Variants in RNH1 observed in about 807,000 individuals in gnomAD.
RNH1 encodes the protein ribonuclease inhibitor.
Under a neutral mutation model 46.1 loss-of-function variants are expected in RNH1, and 38 were observed. The ratio of observed to expected loss-of-function variants is 0.82; its 90% confidence interval spans 0.64 to 1.08. The LOEUF (loss-of-function observed/expected upper bound fraction) is 1.08, where lower values mean the gene tolerates loss of function less well. Among genes scored for constraint, RNH1 ranks in the 50% least tolerant of loss-of-function variants. RNH1 has a pLI of 0.00. For missense variants in RNH1, 577 were observed against 590.7 expected, an observed-to-expected ratio of 0.98 and a Z score of 0.24; for synonymous variants, 319 against 279.1, an observed-to-expected ratio of 1.14 and a Z score of -1.43.
chr11:503,993 G>A (rs72851191), intron 2 of RNH1, among the ~76,000 whole-genome samples: 12,603 of 152,274 alleles, frequency 0.083, 526 homozygotes, highest in Middle Eastern at 0.15. Context: ...AGCACATTCA[G>A]GAACCCACTA....
Position 498,757 on chromosome 11 carries a change from A to G in RNH1, c.785+6T>C, listed in dbSNP as rs1258192737. ...CCGGGAAGGAGGCCTCGCGGAGATGACTCACCACAGGGTCCTGAGCCTGGA... is the reference window on the plus strand; with the variant it reads ...CCGGGAAGGAGGCCTCGCGGAGATGGCTCACCACAGGGTCCTGAGCCTGGA... On this transcript the variant is annotated splice_donor_region_variant and intron_variant, in intron 7 of 10. Transcript: ENST00000354420. 46 of 1,595,134 alleles carry G rather than the reference A, an allele frequency of 2.9e-5. No individual in the cohort carries two copies. Among genetic ancestry groups the G allele is most frequent in the Non-Finnish European group, 3.9e-5 (46 of 1,173,624 alleles).
At chr11:504,586 G>GC (rs1850088620) in intron 2 of RNH1, 1 of 152,334 alleles carries the variant, frequency 6.6e-6, no homozygotes, top group African/African-American at 2.4e-5. Flanking sequence ...CAGCCCCCGG[G>GC]CCTCGTCCCA....
At position 498,117 on chromosome 11, in the gene RNH1, G is replaced by T. The variant is rs148207047; in HGVS notation, c.981C>A (p.Ala327=). Residue 327 remains alanine (A), a synonymous_variant, in exon 9 of 11, where the codon GCC becomes GCA. Transcript: ENST00000354420. ...SLWVKSCSFT[A]ACCSHFSSVL... is the part of the protein sequence containing the mutation. ...CTGAGCTGAAGTGGGAGCAGCAGGCGGCTGTGAAGCTGCAGGACTTCACCC... is the reference window on the plus strand; with the variant it reads ...CTGAGCTGAAGTGGGAGCAGCAGGCTGCTGTGAAGCTGCAGGACTTCACCC... 1.2e-6 allele frequency: 2 copies of T among 1,613,704 alleles called. No homozygotes were observed. The highest frequency in any genetic ancestry group is 4.5e-5 in the East Asian group (2 of 44,900).
intron 9 of RNH1, among the ~76,000 whole-genome samples, chr11:496,281 C>T (rs773724616): frequency 6.6e-6 from 1 of 152,192 alleles, no homozygotes; most frequent in Non-Finnish European, 1.5e-5. Flanking sequence ...CGCCTGTAAT[C>T]GCAGCACTTT....
chr11:500,444 G>A, intron 4 of RNH1, 40 bp downstream of exon 4: 1 of 1,580,116 alleles, frequency 6.3e-7, no homozygotes, highest in East Asian at 2.3e-5. Context: ...TACCAAAGCA[G>A]ACTGCACCAG....
chr11:506,114 G>A (rs1453676586), intron 1 of RNH1: 2 of 152,196 alleles, frequency 1.3e-5, no homozygotes, highest in African/African-American at 4.8e-5. Context: ...CCTGACCTCA[G>A]GTGATCCGCC....
At chr11:494,814 T>A (rs750821628) in intron 10 of RNH1, 36 bp from the exon 11 acceptor site, 1 of 1,611,982 alleles carries the variant, frequency 6.2e-7, no homozygotes, top group Non-Finnish European at 8.5e-7. Flanking sequence ...TGGGCCCGTG[T>A]CCTCCCCCAC....
Position 502,103 on chromosome 11 carries a change from C to T in RNH1, c.60G>A (p.Trp20Ter). Residue 20 changes from tryptophan (W) to a stop codon, truncating the protein, a stop_gained, in exon 3 of 11, where the codon TGG becomes TGA. Transcript: ENST00000354420. LOFTEE classifies it high-confidence loss of function. The surrounding 1 kb of genome is among the most constrained non-coding windows in gnomAD (Gnocchi z 5.8). Reference sequence around the variant, plus strand: ...GCTGGAGCAGAGGGAGGAGCTCGGCCCATCTAGCGTCGCTCAGCTCCTCAC... The same window carrying T: ...GCTGGAGCAGAGGGAGGAGCTCGGCTCATCTAGCGTCGCTCAGCTCCTCAC... ...IQCEELSDAR[W>*]AELLPLLQQC... 1 of 1,612,396 alleles carries T rather than the reference C, an allele frequency of 6.2e-7. No individual in the cohort carries two copies. Among genetic ancestry groups the T allele is most frequent in the Non-Finnish European group, 8.5e-7 (1 of 1,179,590 alleles).
At chr11:504,705 T>A (rs1363444083) in intron 2 of RNH1, 119 bp downstream of exon 2, 1 of 151,894 alleles carries the variant, frequency 6.6e-6, no homozygotes, top group African/African-American at 2.4e-5. Context: ...ACAGCCGCCT[T>A]CCCCCAGACC....
At position 500,735 on chromosome 11, in the gene RNH1, C is replaced by T. The variant is rs1849675979; in HGVS notation, c.102-81G>A. ...CCACCACCACCCCACGTGCAGGTTA[C>T]AACCTATCAGTGGGCCCAGAAGACA... On this transcript the variant is annotated intron_variant, in intron 3 of 10. Transcript: ENST00000354420. 3 of 1,485,842 alleles carry T rather than the reference C, an allele frequency of 2.0e-6. No homozygotes were observed. In the African/African-American group the frequency reaches 4.1e-5, roughly 21 times the overall value. The allele number at this position is 1,485,842 out of a possible 1,614,324, so 92.0% of individuals were successfully genotyped here. A position where few individuals can be genotyped will look rare whatever the true frequency, so the allele number is the denominator to read the frequency against.
Position 498,919 on chromosome 11 carries a change from C to A in RNH1, c.629G>T (p.Gly210Val). 2.5e-6 allele frequency: 4 copies of A among 1,612,570 alleles called. No homozygotes were observed. In the South Asian group the frequency reaches 4.4e-5, roughly 18 times the overall value. ...QLEALKLESC[G>V]VTSDNCRDLC... ...GTCCCGGCAGTTGTCTGATGTCACA[C>A]CGCAGCTCTCCAGCCTGGGGACACG... Residue 210 changes from glycine to valine, a missense_variant, in exon 7 of 11, where the codon GGT becomes GTT. Gly to Val is a moderately radical substitution (Grantham distance 109). Transcript: ENST00000354420.
At chr11:499,762 T>C (rs1849568658) in intron 5 of RNH1, 67 bp downstream of exon 5, 1 of 1,562,452 alleles carries the variant, frequency 6.4e-7, no homozygotes, top group Non-Finnish European at 8.7e-7. Flanking sequence ...GGCGATGTTC[T>C]ATGTAGGGGG....
At chr11:499,305 T>A in intron 5 of RNH1, 120 bp from the exon 6 acceptor site, 1 of 1,127,486 alleles carries the variant, frequency 8.9e-7, no homozygotes, top group Non-Finnish European at 1.3e-6. Context: ...GGGCATCAGG[T>A]GTCAGTGCTG....
chr11:495,117 C>CAGGCCT lies in RNH1; in HGVS notation c.1128-70_1128-65dup, dbSNP rs563442130. 6.8e-3 allele frequency: 10,353 copies of CAGGCCT among 1,523,442 alleles called. 50 individuals carry two copies. Among genetic ancestry groups the CAGGCCT allele is most frequent in the Non-Finnish European group, 8.5e-3 (9,573 of 1,127,152 alleles). 94.4% of individuals were successfully genotyped at this position (1,523,442 alleles called of 1,614,324 possible). A position where few individuals can be genotyped will look rare whatever the true frequency, so the allele number is the denominator to read the frequency against. On this transcript the variant is annotated intron_variant, in intron 9 of 10. Coordinates refer to ENST00000354420, the MANE Select transcript of RNH1 (RefSeq NM_203387.3). ...CCTGGCACCGCACTGACCGGCAGAG[C>CAGGCCT]AGGCCTGGGCCTGGGGGGCGCGACG...
chr11:500,935 C>G (rs902735706), intron 3 of RNH1: 1 of 506,572 alleles, frequency 2.0e-6, no homozygotes, highest in African/African-American at 1.9e-5. Flanking sequence ...TCAAGACCAA[C>G]CTGACCAACA....
At position 502,065 on chromosome 11, in the gene RNH1, A is replaced by AC; in HGVS notation, c.97dup (p.Val33GlyfsTer146). On this transcript the variant is annotated frameshift_variant, in exon 3 of 11. Transcript: ENST00000354420. LOFTEE classifies it high-confidence loss of function. The surrounding 1 kb of genome is among the most constrained non-coding windows in gnomAD (Gnocchi z 5.8). Reference sequence around the variant, plus strand: ...GCCACCCCGAGAGCAAGCGTACCTGACCACTTGGCACTGCTGGAGCAGAGG... The same window carrying AC: ...GCCACCCCGAGAGCAAGCGTACCTGACCCACTTGGCACTGCTGGAGCAGAGG... 1 of 1,610,612 alleles carries AC rather than the reference A, an allele frequency of 6.2e-7. No homozygotes were observed. The highest frequency in any genetic ancestry group is 8.5e-7 in the Non-Finnish European group (1 of 1,179,100).
intron 1 of RNH1, chr11:505,447 G>A (rs1372981747): frequency 1.3e-5 from 2 of 152,150 alleles, no homozygotes; most frequent in African/African-American, 4.8e-5. Context: ...TTTTGAAGAT[G>A]GAAGAAGGTG....
rs559083702 is a variant in RNH1, at chr11:497,566, C to T, written c.1127+405G>A. Among the ~76,000 whole-genome samples, 27 of 43,072 alleles carry T rather than the reference C, an allele frequency of 6.3e-4. 4 individuals are homozygous for T. Among genetic ancestry groups the T allele is most frequent in the African/African-American group, 4.3e-3 (22 of 5,104 alleles). The allele number at this position is 43,072 out of a possible 152,430, so 28.3% of individuals were successfully genotyped here. A position where few individuals can be genotyped will look rare whatever the true frequency, so the allele number is the denominator to read the frequency against. ...GTGCTCACTCTCACGTGCTCACACA[C>T]GGACACGTGCTCATTCTTGCCCATG... On this transcript the variant is annotated intron_variant, in intron 9 of 10. Coordinates refer to ENST00000354420, the MANE Select transcript of RNH1 (RefSeq NM_203387.3).
rs529464626 is a variant in RNH1, at chr11:502,552, G to A, written c.-87-303C>T. The A allele has an allele frequency of 6.5e-6, 2 of 305,884 alleles. No individual in the cohort carries two copies. The highest frequency in any genetic ancestry group is 4.2e-5 in the Admixed American group (1 of 23,572). The allele number at this position is 305,884 out of a possible 1,614,324, so 18.9% of individuals were successfully genotyped here. On this transcript the variant is annotated intron_variant, in intron 2 of 10. Transcript: ENST00000354420. The surrounding 1 kb of genome is among the most constrained non-coding windows in gnomAD (Gnocchi z 5.8). ...CCCTGCCTCTCATTTGCTTGGGCAAGGACAGGGTAGGGTGGGGTGGTCTGT... is the reference window on the plus strand; with the variant it reads ...CCCTGCCTCTCATTTGCTTGGGCAAAGACAGGGTAGGGTGGGGTGGTCTGT...
Sources: gnomAD v4.1 joint callset for allele counts (sites outside exome capture counted in the v4.1 genomes callset) on GRCh38, gnomAD v4.1.1 for gene constraint, Gnocchi (gnomAD v3.1) non-coding constraint, MANE v1.5 for transcripts, NCBI Gene and HGNC (gene_info 2026-07-23, HGNC 2026-07-21) for gene names.